Variants in SPART observed in about 807,000 individuals in gnomAD.
The protein encoded by SPART is spartin, also known as spastic paraplegia 20 (Troyer syndrome).
In SPART, 35 loss-of-function variants were observed where a neutral mutation model predicts 58.7. The ratio of observed to expected loss-of-function variants is 0.60; its 90% CI spans 0.46 to 0.79. The LOEUF (loss-of-function observed/expected upper bound fraction) is 0.79. Ranked by LOEUF, SPART falls within the 30% of genes least tolerant of loss-of-function variation. The probability of loss-of-function intolerance (pLI) is 0.00; values close to 1 mark genes in which losing one functional copy is unlikely to be tolerated. For synonymous variants in SPART, 284 were observed against 280.7 expected (o/e 1.01, Z -0.12); for missense variants, 730 against 786.1 (o/e 0.93, Z 0.85).
intron 8 of SPART, among the ~76,000 whole-genome samples, chr13:36,306,291 C>T (rs1470918984): frequency 6.6e-6 from 1 of 152,084 alleles, no homozygotes; most frequent in African/African-American, 2.4e-5. Flanking sequence ...GGTGCCTTCT[C>T]ATTGTCAACC....
intron 1 of SPART, among the ~76,000 whole-genome samples, chr13:36,336,875 T>C (rs1271943285): frequency 2.0e-5 from 3 of 152,228 alleles, no homozygotes; most frequent in South Asian, 2.1e-4. Context: ...CACCAATTCT[T>C]TGAGGAAAAG....
chr13:36,334,738 C>A (rs1053426536), intron 2 of SPART, among the ~76,000 whole-genome samples: 1 of 152,098 alleles, frequency 6.6e-6, no homozygotes, highest in Non-Finnish European at 1.5e-5. Context: ...TATTAGATTT[C>A]TTCTTCAGAT....
chr13:36,327,567 T>C (rs1883049894), intron 4 of SPART, among the ~76,000 whole-genome samples: 1 of 152,126 alleles, frequency 6.6e-6, no homozygotes, highest in Non-Finnish European at 1.5e-5. Flanking sequence ...TACTGTTAAG[T>C]AAAAAAGCAA....
intron 6 of SPART, 84 bp downstream of exon 6, chr13:36,314,143 T>G: frequency 7.4e-7 from 1 of 1,344,296 alleles, no homozygotes. Context: ...TTAAACCATC[T>G]AAATGAACAT....
At chr13:36,359,653 T>C (rs778087753) in intron 1 of SPART, among the ~76,000 whole-genome samples, 1 of 152,112 alleles carries the variant, frequency 6.6e-6, no homozygotes, top group Non-Finnish European at 1.5e-5. Context: ...TAAAATAACG[T>C]ATGCAAAGCT....
At chr13:36,314,108 T>C in intron 6 of SPART, 119 bp downstream of exon 6, 3 of 1,035,574 alleles carry the variant, frequency 2.9e-6, no homozygotes, top group Admixed American at 2.1e-5. Context: ...AGAAACTGCT[T>C]TGTCCTAATT....
At position 36,301,956 on chromosome 13, in the gene SPART, C is replaced by T. The variant is rs948379000; in HGVS notation, c.*2409G>A. On this transcript the variant is annotated 3_prime_UTR_variant, in exon 9 of 9. Coordinates refer to ENST00000438666, the MANE Select transcript of SPART (RefSeq NM_015087.5). The stretch of plus-strand genomic sequence containing the variant: ...CAAGTAAACCATCCATGCATATAAG[C>T]GCAAGAATGAATTTTAAACATAAAC... The T allele has an allele frequency of 1.3e-4, 20 of 152,106 alleles. No homozygotes were observed. The East Asian group carries it at 3.5e-3, about 26-fold the overall frequency. 9.4% of individuals were successfully genotyped at this position (152,106 alleles called of 1,614,324 possible). A position where few individuals can be genotyped will look rare whatever the true frequency, so the allele number is the denominator to read the frequency against.
In SPART at chr13:36,335,102, C is replaced by T. The variant is rs752668390; in HGVS notation, c.729G>A (p.Ser243=). 1.5e-5 allele frequency: 24 copies of T among 1,613,984 alleles called. No individual in the cohort carries two copies. The highest frequency in any genetic ancestry group is 3.3e-5 in the Admixed American group (2 of 60,000). The change falls in exon 2 of 9, where the codon TCG becomes TCA. Residue 243 remains serine, a synonymous_variant. Transcript: ENST00000438666. ...VNPAGEVSAP[S]YPGYLRIVRF... ...TCACAATTCGAAGGTACCCAGGATA[C>T]GAAGGTGCACTAACCTCCCCTGCAG... is the stretch of plus-strand genomic sequence containing the variant.
chr13:36,330,387 T>C (rs1883346135), intron 3 of SPART, among the ~76,000 whole-genome samples: 1 of 151,874 alleles, frequency 6.6e-6, no homozygotes, highest in Non-Finnish European at 1.5e-5. Flanking sequence ...GACCACCAGG[T>C]AGGTCATTCT....
chr13:36,324,246 T>C (rs1882692897), intron 5 of SPART, among the ~76,000 whole-genome samples: 1 of 152,214 alleles, frequency 6.6e-6, no homozygotes, highest in African/African-American at 2.4e-5. Flanking sequence ...GTTGGAAATT[T>C]CCAAGAGTAT....
At chr13:36,368,467 C>G (rs1356218574) in intron 1 of SPART, 1 of 159,100 alleles carries the variant, frequency 6.3e-6, no homozygotes, top group African/African-American at 2.4e-5. Context: ...ATGAAAAAAA[C>G]CTGCCAATAG....
Position 36,309,243 on chromosome 13 carries a change from CA to C in SPART, c.1733+2901del, listed in dbSNP as rs566701572. ...TGGGTGACAGAGTGAAACTCCGTCTCAAAAAAAAAAAAAAAACTGACACTCC... is the reference window on the plus strand; with the variant it reads ...TGGGTGACAGAGTGAAACTCCGTCTCAAAAAAAAAAAAAAACTGACACTCC... On this transcript the variant is annotated intron_variant, in intron 8 of 8. Transcript: ENST00000438666. Among the ~76,000 whole-genome samples the C allele has an allele frequency of 3.7e-3, 381 of 103,158 alleles. No homozygotes were observed. The Middle Eastern group carries it at 0.06, about 16-fold the overall frequency. 67.7% of individuals were successfully genotyped at this position (103,158 alleles called of 152,430 possible). A position where few individuals can be genotyped will look rare whatever the true frequency, so the allele number is the denominator to read the frequency against.
At chr13:36,348,394 G>A (rs781024929), upstream of SPART, among the ~76,000 whole-genome samples, 1 of 152,104 alleles carries the variant, frequency 6.6e-6, no homozygotes, top group East Asian at 1.9e-4. Flanking sequence ...ATTTCCAACA[G>A]CCATAAAGAT....
At position 36,335,615 on chromosome 13, in the gene SPART, T is replaced by C. The variant is rs1883925547; in HGVS notation, c.216A>G (p.Glu72=). 1.9e-6 allele frequency: 3 copies of C among 1,613,912 alleles called. No homozygotes were observed. The highest frequency in any genetic ancestry group is 1.7e-6 in the Non-Finnish European group (2 of 1,179,964). ...TTTTCTGTTGCATCTGTCTAGCAGA[T>C]TCCCACCCAGGACCTGTGTGTTCAG... is the stretch of plus-strand genomic sequence containing the variant. ...KESEHTGPGW[E]SARQMQQKMK... Residue 72 remains glutamate, a synonymous_variant, in exon 2 of 9, where the codon GAA becomes GAG. Coordinates refer to ENST00000438666, the MANE Select transcript of SPART (RefSeq NM_015087.5).
rs759611560 is a variant in SPART at position 36,304,608 on chromosome 13, A to C, written c.1758T>G (p.Ala586=). The change falls in exon 9 of 9, where the codon GCT becomes GCG. Residue 586 remains alanine (A), a synonymous_variant. Transcript: ENST00000438666. ...CCGCAGAATCCACCGCATGGTGGGT[A>C]GCTTCTCCTGCATTATATCCGTATC... The part of the protein sequence containing the change: ...RYKYGYNAGE[A]THHAVDSAVN... The C allele has an allele frequency of 6.2e-7, 1 of 1,614,040 alleles. No homozygotes were observed. The highest frequency in any genetic ancestry group is 8.5e-7 in the Non-Finnish European group (1 of 1,179,950).
At chr13:36,312,979 A>C (rs1295599223) in intron 6 of SPART, among the ~76,000 whole-genome samples, 4 of 151,714 alleles carry the variant, frequency 2.6e-5, no homozygotes, top group African/African-American at 9.7e-5. Context: ...AAAAGTAAAC[A>C]ATCTAAAATC....
intron 1 of SPART, among the ~76,000 whole-genome samples, chr13:36,340,287 C>T (rs1031684618): frequency 6.6e-6 from 1 of 151,404 alleles, no homozygotes; most frequent in African/African-American, 2.4e-5. Context: ...TGCTTGAACC[C>T]GGGAGGCGGA....
chr13:36,345,706 G>C (rs990991000), intron 1 of SPART: 3 of 152,202 alleles, frequency 2.0e-5, no homozygotes, highest in African/African-American at 7.2e-5. Flanking sequence ...TAGGAAGCAT[G>C]AAAGAATGTA....
chr13:36,312,352 C>T lies in SPART; in HGVS notation c.1609G>A (p.Gly537Ser). 1 of 1,614,094 alleles carries T rather than the reference C, an allele frequency of 6.2e-7. No homozygotes were observed. Among genetic ancestry groups the T allele is most frequent in the Non-Finnish European group, 8.5e-7 (1 of 1,180,018 alleles). The change falls in exon 7 of 9, where the codon GGT becomes AGT. Residue 537 changes from glycine to serine, a missense_variant. By Grantham distance (56) the Gly-to-Ser change is moderately conservative. Coordinates refer to ENST00000438666, the MANE Select transcript of SPART (RefSeq NM_015087.5). The part of the protein sequence containing the change: ...KDKDGKSPLD[G>S]AMVVAASSVQ... ...CTACTTGCTGCTACAACCATAGCAC[C>T]ATCCAGAGGAGATTTCCCATCTTTG...
Sources: gnomAD v4.1 joint callset for allele counts (sites outside exome capture counted in the v4.1 genomes callset) on GRCh38, gnomAD v4.1.1 for gene constraint, MANE v1.5 for transcripts, NCBI Gene and HGNC (gene_info 2026-07-23, HGNC 2026-07-21) for gene names.